Variants in ZMYND8 observed in about 807,000 individuals in gnomAD.
ZMYND8 encodes MYND-type zinc finger-containing chromatin reader ZMYND8.
ZMYND8 carries 37 observed loss-of-function variants against 140.8 expected under a neutral mutation model. That is an observed-to-expected ratio of 0.26 (90% CI 0.20 to 0.35). ZMYND8 has a LOEUF of 0.35. Ranked by LOEUF, ZMYND8 falls within the 10% of genes least tolerant of loss-of-function variation. The probability of loss-of-function intolerance (pLI) is 1.00; values close to 1 mark genes in which losing one functional copy is unlikely to be tolerated. For synonymous variants in ZMYND8, 592 were observed against 597.1 expected (o/e 0.99, Z 0.12); for missense variants, 1,068 against 1,570.0 (o/e 0.68, Z 5.40).
At chr20:47,300,476 C>T (rs1233748300) in intron 3 of ZMYND8, among the ~76,000 whole-genome samples, 1 of 152,198 alleles carries the variant, frequency 6.6e-6, no homozygotes, top group Admixed American at 6.5e-5. Context: ...TGGGGATTTA[C>T]TAAACGGTTA....
intron 3 of ZMYND8, among the ~76,000 whole-genome samples, chr20:47,305,253 TTTC>T (rs1569151848): frequency 6.6e-6 from 1 of 151,520 alleles, no homozygotes; most frequent in Non-Finnish European, 1.5e-5. Context: ...CTTTTTTTTT[TTTC>T]TTTTTTCTGA....
At position 47,229,802 on chromosome 20, in the gene ZMYND8, A is replaced by G. The variant is rs2038218156; in HGVS notation, c.2861T>C (p.Met954Thr). Residue 954 changes from methionine (M) to threonine (T), a missense_variant, in exon 17 of 23, where the codon ATG becomes ACG. By Grantham distance (81) the Met-to-Thr change is moderately conservative (BLOSUM62 -1). Around this residue, in one of 10 missense-constraint regions of ZMYND8, gnomAD observed 87 missense variants for 151.1 expected, o/e 0.58. Coordinates refer to ENST00000471951, the MANE Select transcript of ZMYND8 (RefSeq NM_001281775.3). ...ADIAKYTSKM[M>T]DAIKGTMTEI... Reference sequence around the variant, plus strand: ...TGTCATTGTTCCTTTTATTGCATCCATCATCTGAAAGATAAAAACAGAAAC... The same window carrying G: ...TGTCATTGTTCCTTTTATTGCATCCGTCATCTGAAAGATAAAAACAGAAAC... The G allele has an allele frequency of 1.2e-6, 2 of 1,611,780 alleles. No individual in the cohort carries two copies. The highest frequency in any genetic ancestry group is 1.7e-6 in the Non-Finnish European group (2 of 1,178,838).
At chr20:47,296,461 G>C (rs2077641340) in intron 4 of ZMYND8, among the ~76,000 whole-genome samples, 1 of 152,070 alleles carries the variant, frequency 6.6e-6, no homozygotes, top group Admixed American at 6.5e-5. Flanking sequence ...CTCCTTTTGG[G>C]AGAATTTTTG....
chr20:47,237,562 G>A (rs1304953081), intron 15 of ZMYND8: 2 of 152,060 alleles, frequency 1.3e-5, no homozygotes, highest in African/African-American at 2.4e-5. Context: ...TCCTAGACTC[G>A]GCTTTGCCCC....
intron 2 of ZMYND8, among the ~76,000 whole-genome samples, chr20:47,314,843 C>A (rs1219178644): frequency 1.3e-5 from 2 of 152,194 alleles, no homozygotes; most frequent in African/African-American, 4.8e-5. Flanking sequence ...CAAGTCTCCA[C>A]CTCTCAGGGC....
chr20:47,229,884 C>A, intron 16 of ZMYND8, 78 bp from the exon 17 acceptor site: 3 of 1,312,658 alleles, frequency 2.3e-6, no homozygotes, highest in Non-Finnish European at 2.1e-6. Context: ...TAAAATCTAT[C>A]TGTATAAAGC....
At chr20:47,273,317 G>A (rs1418597901) in intron 11 of ZMYND8, among the ~76,000 whole-genome samples, 1 of 152,112 alleles carries the variant, frequency 6.6e-6, no homozygotes, top group Admixed American at 6.5e-5. Flanking sequence ...AGACTGAGGC[G>A]GGTGGATTAC....
intron 13 of ZMYND8, among the ~76,000 whole-genome samples, chr20:47,247,786 G>A (rs1045218376): frequency 1.3e-5 from 2 of 152,176 alleles, no homozygotes; most frequent in Admixed American, 1.3e-4. Context: ...GATCATTGGG[G>A]AATGTATCTG....
rs1569134820 is a variant in ZMYND8 at position 47,298,913 on chromosome 20, T to C, written c.269A>G (p.Lys90Arg). 1.2e-6 allele frequency: 2 copies of C among 1,614,190 alleles called. No individual in the cohort carries two copies. The highest frequency in any genetic ancestry group is 1.7e-6 in the Non-Finnish European group (2 of 1,180,042). Reference sequence around the variant, plus strand: ...AACAGGGTCTGTGGTGAGTGGCTGCTTCATATAGTAAAACGGACCATGTCT... The same window carrying C: ...AACAGGGTCTGTGGTGAGTGGCTGCCTCATATAGTAAAACGGACCATGTCT... ...ELRHGPFYYM[K>R]QPLTTDPVDV... The change falls in exon 4 of 23, where the codon AAG becomes AGG. Residue 90 changes from lysine (K) to arginine (R), a missense_variant. This residue lies in a region of ZMYND8 where 109 missense variants were observed against 314.9 expected (regional missense o/e 0.35). Coordinates refer to ENST00000471951, the MANE Select transcript of ZMYND8 (RefSeq NM_001281775.3). This position sits in a 1 kb window ranked among gnomAD's most constrained non-coding sequence, Gnocchi z 5.0.
chr20:47,259,172 C>T (rs1337860771), intron 12 of ZMYND8, among the ~76,000 whole-genome samples: 2 of 152,170 alleles, frequency 1.3e-5, no homozygotes, highest in African/African-American at 2.4e-5. Context: ...GAAATGTCAC[C>T]GTGAGAACGC....
Position 47,226,151 on chromosome 20 carries a change from TAAAAA to T in ZMYND8, c.3016+1047_3016+1051del, listed in dbSNP as rs3092455. On this transcript the variant is annotated intron_variant, in intron 18 of 22. Transcript: ENST00000471951. ...GGGAAACAAGAGTGAGACTCTGTCT[TAAAAA>T]AAAAAAAAAAAAGGAAAACGAGAAG... is the stretch of plus-strand genomic sequence containing the variant. Among the ~76,000 whole-genome samples, 393 of 132,210 alleles carry T rather than the reference TAAAAA, an allele frequency of 3.0e-3. 1 individual carries two copies. The highest frequency in any genetic ancestry group is 0.01 in the African/African-American group (378 of 36,324). 86.7% of individuals were successfully genotyped at this position (132,210 alleles called of 152,430 possible).
At chr20:47,272,842 C>T (rs1601497726) in intron 11 of ZMYND8, among the ~76,000 whole-genome samples, 1 of 152,188 alleles carries the variant, frequency 6.6e-6, no homozygotes. Context: ...ATATTATTTT[C>T]TATTCTATGA....
intron 2 of ZMYND8, among the ~76,000 whole-genome samples, chr20:47,335,428 C>A (rs546799222): frequency 1.3e-5 from 2 of 152,008 alleles, no homozygotes; most frequent in Non-Finnish European, 2.9e-5. Flanking sequence ...CTCACCCCCC[C>A]ACAGCCATGA....
At chr20:47,330,265 C>T (rs2148441181) in intron 2 of ZMYND8, among the ~76,000 whole-genome samples, 1 of 152,160 alleles carries the variant, frequency 6.6e-6, no homozygotes, top group East Asian at 1.9e-4. Context: ...TCATAGCTCA[C>T]TGCAGGCTCC....
intron 12 of ZMYND8, among the ~76,000 whole-genome samples, chr20:47,256,834 C>G (rs762013868): frequency 3.9e-5 from 6 of 152,136 alleles, no homozygotes; most frequent in Non-Finnish European, 8.8e-5. Flanking sequence ...GAGAAATAAA[C>G]AGAAAGTCTC....
At position 47,212,735 on chromosome 20, in the gene ZMYND8, TA is replaced by T; in HGVS notation, c.3485-11del. The T allele has an allele frequency of 6.2e-7, 1 of 1,603,216 alleles. No individual in the cohort carries two copies. Among genetic ancestry groups the T allele is most frequent in the Non-Finnish European group, 8.5e-7 (1 of 1,172,714 alleles). On this transcript the variant is annotated splice_polypyrimidine_tract_variant and intron_variant, in intron 21 of 22. Transcript: ENST00000471951. ...TCACACCTTTTGCTAACTGAAGAGA[TA>T]GCACAGGTAGCCTCAGAGTCTGTCA...
At chr20:47,352,148 G>T (rs956038398) in intron 1 of ZMYND8, among the ~76,000 whole-genome samples, 1 of 152,118 alleles carries the variant, frequency 6.6e-6, no homozygotes, top group South Asian at 2.1e-4. Flanking sequence ...TGTTCCCAGG[G>T]AGCAGCCTGG....
Position 47,249,427 on chromosome 20 carries a change from G to A in ZMYND8, c.1634C>T (p.Ala545Val). 6.2e-7 allele frequency: 1 copy of A among 1,614,090 alleles called. No homozygotes were observed. The highest frequency in any genetic ancestry group is 2.2e-5 in the East Asian group (1 of 44,878). ...GCTCAGCTCCTTCAAATCCATCTCA[G>A]CTTTGCTTCGATCTGAAAGAAACCA... ...ILNLNLDRSK[A>V]EMDLKELSES... The change falls in exon 13 of 23, where the codon GCT (alanine) becomes GTT (valine). Residue 545 changes from alanine (A) to valine (V), a missense_variant. Physicochemically the swap from Ala to Val is moderately conservative, Grantham distance 64 (BLOSUM62 0). Around this residue, in one of 10 missense-constraint regions of ZMYND8, gnomAD observed 173 missense variants for 223.3 expected, o/e 0.77. Transcript: ENST00000471951.
At chr20:47,248,871 C>T (rs1468383912) in intron 13 of ZMYND8, among the ~76,000 whole-genome samples, 1 of 152,176 alleles carries the variant, frequency 6.6e-6, no homozygotes, top group Non-Finnish European at 1.5e-5. Flanking sequence ...GCTACAGAAG[C>T]AGGGTTTGCC....
Sources: gnomAD v4.1 joint callset for allele counts (sites outside exome capture counted in the v4.1 genomes callset) on GRCh38, gnomAD v4.1.1 for gene constraint, gnomAD v4.1.1 regional missense constraint, Gnocchi (gnomAD v3.1) non-coding constraint, MANE v1.5 for transcripts, NCBI Gene and HGNC (gene_info 2026-07-23, HGNC 2026-07-21) for gene names.